TCF7L1: variants seen among roughly 807,000 people sequenced by gnomAD.
TCF7L1 encodes transcription factor 7-like 1.
Under a neutral mutation model 63.7 loss-of-function variants are expected in TCF7L1, and 18 were observed. That is an observed-to-expected ratio of 0.28 (90% CI 0.20 to 0.42). The LOEUF is 0.42. Among genes scored for constraint, TCF7L1 ranks in the 10% least tolerant of loss-of-function variants. The probability of loss-of-function intolerance (pLI) is 1.00; values close to 1 mark genes in which losing one functional copy is unlikely to be tolerated. For synonymous variants in TCF7L1, 355 were observed against 340.9 expected (o/e 1.04, Z -0.46); for missense variants, 654 against 779.3 (o/e 0.84, Z 1.91).
intron 3 of TCF7L1, among the ~76,000 whole-genome samples, chr2:85,149,352 C>CAG (rs1383348181): frequency 1.4e-5 from 2 of 147,952 alleles, no homozygotes; most frequent in Non-Finnish European, 2.9e-5. Flanking sequence ...TGTATACACA[C>CAG]ACACACTAAC....
chr2:85,171,569 G>A (rs944902683), intron 3 of TCF7L1, among the ~76,000 whole-genome samples: 4 of 152,204 alleles, frequency 2.6e-5, no homozygotes, highest in African/African-American at 9.7e-5. Context: ...TCTGTTGTGG[G>A]TAAATATTGG....
In TCF7L1 at chr2:85,185,528, G is replaced by A. The variant is rs139517005; in HGVS notation, c.441+51078G>A. On this transcript the variant is annotated intron_variant, in intron 3 of 11. Transcript: ENST00000282111. The stretch of plus-strand genomic sequence containing the variant: ...AGCCAGTCTCAAGCAGGAGCCAGCC[G>A]ATAGTCTCACACTGAACCACAGGGC... Among the ~76,000 whole-genome samples, 70 of 152,262 alleles carry A rather than the reference G, an allele frequency of 4.6e-4. 1 individual carries two copies. The East Asian group carries it at 0.013, about 29-fold the overall frequency.
intron 3 of TCF7L1, among the ~76,000 whole-genome samples, chr2:85,266,709 T>C (rs889381210): frequency 2.0e-5 from 3 of 152,292 alleles, no homozygotes; most frequent in African/African-American, 4.8e-5. Flanking sequence ...CTTATCCATA[T>C]TGAAACTTTC....
At position 85,194,784 on chromosome 2, in the gene TCF7L1, A is replaced by T. The variant is rs114658480; in HGVS notation, c.441+60334A>T. The stretch of plus-strand genomic sequence containing the variant: ...ACCCCTGGCATGAGATTCAGAGCAG[A>T]ATCCCCCTCAAGTTCTTGGATGGTG... On this transcript the variant is annotated intron_variant, in intron 3 of 11. Transcript: ENST00000282111. Among the ~76,000 whole-genome samples the T allele has an allele frequency of 4.5e-3, 683 of 152,310 alleles. 6 individuals carry two copies. Among genetic ancestry groups the T allele is most frequent in the African/African-American group, 0.015 (634 of 41,572 alleles).
intron 3 of TCF7L1, among the ~76,000 whole-genome samples, chr2:85,200,295 C>A (rs1242561073): frequency 1.3e-5 from 2 of 152,108 alleles, no homozygotes; most frequent in East Asian, 3.8e-4. Context: ...GGGGTTAGGA[C>A]GCCAACCCCT....
chr2:85,262,135 A>T (rs917582556), intron 3 of TCF7L1: 2 of 545,806 alleles, frequency 3.7e-6, no homozygotes, highest in African/African-American at 3.8e-5. Context: ...TCTCTTCCGC[A>T]TCATCTAATA....
At chr2:85,269,428 A>T (rs926892188) in intron 3 of TCF7L1, among the ~76,000 whole-genome samples, 1 of 152,182 alleles carries the variant, frequency 6.6e-6, no homozygotes, top group African/African-American at 2.4e-5. Flanking sequence ...ACACATACAT[A>T]AAAAATACAC....
intron 4 of TCF7L1, among the ~76,000 whole-genome samples, chr2:85,284,658 G>C (rs1053518586): frequency 2.0e-5 from 3 of 152,184 alleles, no homozygotes; most frequent in Non-Finnish European, 4.4e-5. Context: ...GTGAGCCTCA[G>C]AATCAGGGAA....
chr2:85,267,746 G>T (rs1681012890), intron 3 of TCF7L1, among the ~76,000 whole-genome samples: 1 of 151,980 alleles, frequency 6.6e-6, no homozygotes, highest in Admixed American at 6.6e-5. Flanking sequence ...TCTGTTAAAT[G>T]AGGATAATAA....
intron 3 of TCF7L1, among the ~76,000 whole-genome samples, chr2:85,148,686 G>A (rs1237735939): frequency 1.3e-5 from 2 of 151,334 alleles, no homozygotes; most frequent in Non-Finnish European, 2.9e-5. Flanking sequence ...ATAATATACA[G>A]TATTATCACA....
chr2:85,210,968 C>T (rs1463591631), intron 3 of TCF7L1, among the ~76,000 whole-genome samples: 1 of 152,202 alleles, frequency 6.6e-6, no homozygotes, highest in African/African-American at 2.4e-5. Flanking sequence ...CTCTGCACTG[C>T]CTCCCGTCAC....
At chr2:85,303,175 C>T (rs1418315932) in intron 5 of TCF7L1, among the ~76,000 whole-genome samples, 2 of 152,090 alleles carry the variant, frequency 1.3e-5, no homozygotes, top group African/African-American at 4.8e-5. Context: ...GGACCACAGG[C>T]GCATGCCACC....
intron 3 of TCF7L1, among the ~76,000 whole-genome samples, chr2:85,171,024 G>A (rs910667331): frequency 2.0e-5 from 3 of 152,092 alleles, no homozygotes; most frequent in African/African-American, 7.3e-5. Context: ...ACCTGAGACT[G>A]GGTAATTTAT....
At chr2:85,185,346 C>T (rs1349129487) in intron 3 of TCF7L1, among the ~76,000 whole-genome samples, 1 of 151,992 alleles carries the variant, frequency 6.6e-6, no homozygotes, top group African/African-American at 2.4e-5. Context: ...TAGCCTCAAA[C>T]TCCTAGGCTA....
intron 4 of TCF7L1, among the ~76,000 whole-genome samples, chr2:85,300,105 A>G (rs984920865): frequency 6.6e-6 from 1 of 152,138 alleles, no homozygotes; most frequent in East Asian, 1.9e-4. Flanking sequence ...GAAAATATGG[A>G]AAGAGAGACA....
intron 3 of TCF7L1, among the ~76,000 whole-genome samples, chr2:85,204,672 G>C (rs1243172856): frequency 6.6e-6 from 1 of 151,998 alleles, no homozygotes; most frequent in African/African-American, 2.4e-5. Context: ...CGTGCACCAC[G>C]CCCAGCTAGC....
At chr2:85,191,979 T>G (rs1001187098) in intron 3 of TCF7L1, among the ~76,000 whole-genome samples, 3 of 152,238 alleles carry the variant, frequency 2.0e-5, no homozygotes, top group African/African-American at 7.2e-5. Context: ...GAAGTCATTT[T>G]GCAGCATGGA....
At chr2:85,233,551 T>C (rs1462731647) in intron 3 of TCF7L1, among the ~76,000 whole-genome samples, 2 of 151,268 alleles carry the variant, frequency 1.3e-5, no homozygotes, top group African/African-American at 4.9e-5. Context: ...CCTGACCTCG[T>C]GATCTGCCCG....
At chr2:85,285,189 C>T (rs375080408) in intron 4 of TCF7L1, among the ~76,000 whole-genome samples, 1 of 151,804 alleles carries the variant, frequency 6.6e-6, no homozygotes, top group Admixed American at 6.6e-5. Context: ...GCCGAGATCG[C>T]GCCACTGCAC....
Sources: gnomAD v4.1 joint callset for allele counts (sites outside exome capture counted in the v4.1 genomes callset) on GRCh38, gnomAD v4.1.1 for gene constraint, MANE v1.5 for transcripts, NCBI Gene and HGNC (gene_info 2026-07-23, HGNC 2026-07-21) for gene names.